KIAA0825: variants seen among roughly 807,000 people sequenced by gnomAD.
KIAA0825 encodes the protein KIAA0825.
In KIAA0825, 119 loss-of-function variants were observed where a neutral mutation model predicts 147.6. That is an observed-to-expected ratio of 0.81 (90% CI 0.69 to 0.94). The LOEUF is 0.94. Ranked by LOEUF, KIAA0825 falls within the 40% of genes least tolerant of loss-of-function variation. The pLI is 0.00. For synonymous variants in KIAA0825, 470 were observed against 518.1 expected (o/e 0.91, Z 1.26); for missense variants, 1,381 against 1,472.7 (o/e 0.94, Z 1.02).
At chr5:94,500,087 A>C (rs1237823976) in intron 5 of KIAA0825, among the ~76,000 whole-genome samples, 6 of 152,180 alleles carry the variant, frequency 3.9e-5, no homozygotes, top group Non-Finnish European at 7.3e-5. Flanking sequence ...GTTCAGTGTT[A>C]CTGGAGAGTG....
At chr5:94,424,735 A>G (rs1216802661) in intron 14 of KIAA0825, among the ~76,000 whole-genome samples, 1 of 152,092 alleles carries the variant, frequency 6.6e-6, no homozygotes, top group African/African-American at 2.4e-5. Context: ...TTATTTTTTG[A>G]AAATATAAAC....
intron 20 of KIAA0825, among the ~76,000 whole-genome samples, chr5:94,174,135 G>A (rs191237660): frequency 6.6e-6 from 1 of 152,192 alleles, no homozygotes; most frequent in Non-Finnish European, 1.5e-5. Context: ...AGATAAATTT[G>A]AAGTTTTAAT....
At chr5:94,512,502 C>A (rs140931259) in intron 5 of KIAA0825, among the ~76,000 whole-genome samples, 158 of 151,758 alleles carry the variant, frequency 1.0e-3, no homozygotes, top group African/African-American at 3.6e-3. Context: ...TGCCTCATGC[C>A]TGTAATCTTA....
intron 15 of KIAA0825, among the ~76,000 whole-genome samples, chr5:94,408,247 T>C (rs951980430): frequency 2.6e-5 from 4 of 152,210 alleles, no homozygotes; most frequent in African/African-American, 4.8e-5. Flanking sequence ...TTTTGGAGTA[T>C]AAATTCCAGC....
At chr5:94,498,576 T>C (rs1764651324) in intron 5 of KIAA0825, among the ~76,000 whole-genome samples, 1 of 152,266 alleles carries the variant, frequency 6.6e-6, no homozygotes, top group Non-Finnish European at 1.5e-5. Context: ...TATTGTGTAA[T>C]CTACAACATT....
At chr5:94,280,437 G>A (rs1013712125) in intron 20 of KIAA0825, among the ~76,000 whole-genome samples, 1 of 152,022 alleles carries the variant, frequency 6.6e-6, no homozygotes, top group Non-Finnish European at 1.5e-5. Flanking sequence ...TCTATCATGA[G>A]TACTTGGCAT....
chr5:94,259,988 T>C (rs1462053344), intron 20 of KIAA0825, among the ~76,000 whole-genome samples: 1 of 152,102 alleles, frequency 6.6e-6, no homozygotes, highest in African/African-American at 2.4e-5. Flanking sequence ...TTGAAGTTTA[T>C]AAGAATTATT....
chr5:94,391,650 T>C lies in KIAA0825; in HGVS notation c.3341A>G (p.Asp1114Gly). The C allele has an allele frequency of 1.9e-6, 3 of 1,550,912 alleles. No individual in the cohort carries two copies. Among genetic ancestry groups the C allele is most frequent in the Non-Finnish European group, 2.6e-6 (3 of 1,146,574 alleles). Residue 1114 changes from aspartate to glycine, a missense_variant, in exon 18 of 21, where the codon GAT becomes GGT. Coordinates refer to ENST00000682413, the MANE Select transcript of KIAA0825 (RefSeq NM_001145678.3). Reference sequence around the variant, plus strand: ...CTGCTCAGTCAGTTCAAGAGCAACATCTCCTTCTTGTAAGGCCGTGCTTTT... The same window carrying C: ...CTGCTCAGTCAGTTCAAGAGCAACACCTCCTTCTTGTAAGGCCGTGCTTTT... The part of the protein sequence containing the change: ...IEKSTALQEG[D>G]VALELTEQKI...
intron 14 of KIAA0825, among the ~76,000 whole-genome samples, chr5:94,428,665 A>G (rs996320331): frequency 2.0e-5 from 3 of 152,092 alleles, no homozygotes; most frequent in South Asian, 2.1e-4. Flanking sequence ...CATTTTTTCT[A>G]GCTGCATTTA....
chr5:94,575,623 C>T (rs1411802716), intron 2 of KIAA0825, among the ~76,000 whole-genome samples: 2 of 152,210 alleles, frequency 1.3e-5, no homozygotes, highest in African/African-American at 4.8e-5. Flanking sequence ...AAGTATGGTT[C>T]TCCCTGAGCA....
chr5:94,376,875 T>G (rs1283830590), intron 20 of KIAA0825, among the ~76,000 whole-genome samples: 2 of 152,172 alleles, frequency 1.3e-5, no homozygotes, highest in Non-Finnish European at 2.9e-5. Context: ...TTAAACCCAC[T>G]TCTCCATAAC....
At chr5:94,260,954 T>A (rs191024456) in intron 20 of KIAA0825, among the ~76,000 whole-genome samples, 1 of 152,266 alleles carries the variant, frequency 6.6e-6, no homozygotes. Flanking sequence ...ATTTTTCTTA[T>A]CTCATCTGAA....
intron 20 of KIAA0825, among the ~76,000 whole-genome samples, chr5:94,267,551 A>G (rs537395664): frequency 1.3e-5 from 2 of 152,294 alleles, no homozygotes; most frequent in South Asian, 4.1e-4. Flanking sequence ...AATCACACCC[A>G]AGAGAGTTAG....
intron 13 of KIAA0825, among the ~76,000 whole-genome samples, chr5:94,442,107 G>A (rs1157173922): frequency 6.6e-6 from 1 of 152,066 alleles, no homozygotes; most frequent in Non-Finnish European, 1.5e-5. Context: ...AAATGAGTAG[G>A]CAAACTTATA....
At chr5:94,485,382 A>C (rs1414769047) in intron 5 of KIAA0825, among the ~76,000 whole-genome samples, 1 of 151,836 alleles carries the variant, frequency 6.6e-6, no homozygotes, top group Non-Finnish European at 1.5e-5. Context: ...ATAGACATTA[A>C]GTAAAACTGA....
chr5:94,207,138 C>T, intron 20 of KIAA0825, among the ~76,000 whole-genome samples: 1 of 152,114 alleles, frequency 6.6e-6, no homozygotes, highest in South Asian at 2.1e-4. Context: ...CCTAGGTGCC[C>T]ATGGCCAGCA....
Position 94,471,455 on chromosome 5 carries a change from A to G in KIAA0825, c.1721+11T>C, listed in dbSNP as rs1761208904. On this transcript the variant is annotated intron_variant, in intron 9 of 20. Coordinates refer to ENST00000682413, the MANE Select transcript of KIAA0825 (RefSeq NM_001145678.3). ...AAGCGTGGCCATCATCTTAATTTAA[A>G]CAACACTCACTTTTTAGTCATTTCC... is the stretch of plus-strand genomic sequence containing the variant. 6.4e-7 allele frequency: 1 copy of G among 1,550,634 alleles called. No individual in the cohort carries two copies. The highest frequency in any genetic ancestry group is 1.4e-5 in the African/African-American group (1 of 73,146).
At chr5:94,311,520 CACTT>C (rs754973961) in intron 20 of KIAA0825, among the ~76,000 whole-genome samples, 23 of 151,640 alleles carry the variant, frequency 1.5e-4, no homozygotes, top group Admixed American at 3.3e-4. Flanking sequence ...AAAATACTGA[CACTT>C]ACACCAAATA....
rs189194986 is a variant in KIAA0825, at chr5:94,425,898, A to G, written c.2498-8533T>C. 7.2e-5 allele frequency among the ~76,000 whole-genome samples: 11 copies of G among 152,120 alleles called. No homozygotes were observed. The East Asian group carries it at 2.1e-3, about 29-fold the overall frequency. On this transcript the variant is annotated intron_variant, in intron 14 of 20. Coordinates refer to ENST00000682413, the MANE Select transcript of KIAA0825 (RefSeq NM_001145678.3). ...CATTTTTCATATGTTGATCATTTGTATGTCTTCTTTTGAGAAATGACTCCC... is the reference window on the plus strand; with the variant it reads ...CATTTTTCATATGTTGATCATTTGTGTGTCTTCTTTTGAGAAATGACTCCC...
Sources: allele counts gnomAD v4.1 joint callset (sites outside exome capture counted in the v4.1 genomes callset), GRCh38; gene constraint gnomAD v4.1.1; transcripts MANE v1.5; gene names NCBI Gene and HGNC (gene_info 2026-07-23, HGNC 2026-07-21).